The following MLC1 variants were observed in gnomAD, a reference collection of about 807,000 sequenced individuals.
The protein encoded by MLC1 is membrane protein MLC1.
A neutral mutation model predicts 44.7 loss-of-function variants in MLC1; 32 were observed. That is an observed-to-expected ratio of 0.72 (90% confidence interval 0.54 to 0.96). The LOEUF (loss-of-function observed/expected upper bound fraction) is 0.96. MLC1 is among the 40% of genes least tolerant of loss of function. MLC1 has a pLI of 0.00. For missense variants in MLC1, 459 were observed against 492.2 expected (o/e 0.93, Z 0.64); for synonymous variants, 190 against 213.0 (o/e 0.89, Z 0.94).
chr22:50,067,982 T>A (rs2061754210), intron 10 of MLC1, among the ~76,000 whole-genome samples: 1 of 150,780 alleles, frequency 6.6e-6, no homozygotes. Flanking sequence ...AAAAAAACAC[T>A]AGGTATCTAA....
At chr22:50,069,017 G>A (rs998684013) in intron 9 of MLC1, among the ~76,000 whole-genome samples, 5 of 146,864 alleles carry the variant, frequency 3.4e-5, no homozygotes, top group Admixed American at 1.4e-4. Context: ...ATGAGCCACC[G>A]CGCCCGGCCT....
chr22:50,062,122 C>A (rs1404644325), intron 11 of MLC1, among the ~76,000 whole-genome samples: 1 of 151,042 alleles, frequency 6.6e-6, no homozygotes, highest in African/African-American at 2.4e-5. Flanking sequence ...CCCAGTTGTC[C>A]ACCCTGAGCC....
intron 11 of MLC1, among the ~76,000 whole-genome samples, chr22:50,062,068 G>C (rs977655526): frequency 1.3e-5 from 2 of 151,758 alleles, no homozygotes; most frequent in African/African-American, 4.8e-5. Flanking sequence ...TGTCCACCCT[G>C]AGCCCCAGTT....
intron 3 of MLC1, among the ~76,000 whole-genome samples, chr22:50,082,274 T>C (rs981822730): frequency 6.6e-6 from 1 of 151,982 alleles, no homozygotes; most frequent in African/African-American, 2.4e-5. Context: ...GGTCCATGGC[T>C]TGCGGGCCAG....
rs1419156537 is a variant in MLC1, at chr22:50,060,857, C to G, written c.*726G>C. On this transcript the variant is annotated 3_prime_UTR_variant, in exon 12 of 12. Coordinates refer to ENST00000311597, the MANE Select transcript of MLC1 (RefSeq NM_015166.4). ...GACAGCACCCAGGACGTGGGCCGGC[C>G]AGTGTGGCGGTGGATCCCTCTAGAA... 6.5e-6 allele frequency: 1 copy of G among 152,952 alleles called. No individual in the cohort carries two copies. The highest frequency in any genetic ancestry group is 1.5e-5 in the Non-Finnish European group (1 of 68,542). The allele number at this position is 152,952 out of a possible 1,614,324, so 9.5% of individuals were successfully genotyped here.
chr22:50,084,029 G>A (rs753031309), intron 2 of MLC1, among the ~76,000 whole-genome samples: 19 of 152,164 alleles, frequency 1.2e-4, no homozygotes, highest in Non-Finnish European at 2.2e-4. Flanking sequence ...AGGGGCTGCC[G>A]GCGGAGGCCA....
At chr22:50,062,895 G>A (rs2061602146) in intron 11 of MLC1, among the ~76,000 whole-genome samples, 1 of 152,224 alleles carries the variant, frequency 6.6e-6, no homozygotes, top group African/African-American at 2.4e-5. Context: ...AGATGTGGGG[G>A]CAGCAAGACA....
intron 8 of MLC1, 41 bp from the exon 9 acceptor site, chr22:50,070,624 CGAA>C: frequency 6.5e-7 from 1 of 1,536,546 alleles, no homozygotes; most frequent in South Asian, 1.2e-5. Flanking sequence ...AGGAAATAGT[CGAA>C]GAAGTCGAAT....
Position 50,083,155 on chromosome 22 carries a change from A to T in MLC1, c.196T>A (p.Ser66Thr), listed in dbSNP as rs1275358780. The T allele has an allele frequency of 1.2e-6, 2 of 1,614,074 alleles. No homozygotes were observed. ...TTCCCCAGGTACAGCGAAAACCCCG[A>T]GGTCACCAGGAGGCAGCTCTGCAAG... ...VLMGSCLLVT[S>T]GFSLYLGNVF... Residue 66 changes from serine (S) to threonine (T), a missense_variant, in exon 3 of 12, where the codon TCG (serine) becomes ACG (threonine). Coordinates refer to ENST00000311597, the MANE Select transcript of MLC1 (RefSeq NM_015166.4). The surrounding 1 kb of genome is among the most constrained non-coding windows in gnomAD (Gnocchi z 4.6).
At chr22:50,065,764 C>T (rs1235451100) in intron 10 of MLC1, among the ~76,000 whole-genome samples, 3 of 152,170 alleles carry the variant, frequency 2.0e-5, no homozygotes, top group African/African-American at 7.2e-5. Context: ...TTGAGGAGGT[C>T]GCCGAGATTT....
intron 5 of MLC1, among the ~76,000 whole-genome samples, chr22:50,078,068 C>T (rs574476774): frequency 6.6e-5 from 10 of 151,430 alleles, no homozygotes; most frequent in South Asian, 2.1e-4. Flanking sequence ...CTCGGCTCAC[C>T]GCAACCTCTG....
intron 10 of MLC1, among the ~76,000 whole-genome samples, chr22:50,064,620 T>TG (rs1004231571): frequency 3.4e-5 from 5 of 148,682 alleles, no homozygotes; most frequent in Non-Finnish European, 7.5e-5. Context: ...GCAGCCGTCC[T>TG]GGGGGGATGG....
chr22:50,066,801 C>A (rs192314819), intron 10 of MLC1, among the ~76,000 whole-genome samples: 29 of 152,160 alleles, frequency 1.9e-4, no homozygotes, highest in Admixed American at 6.5e-4. Context: ...CTGAGCTCGT[C>A]TTTTATAGTT....
intron 6 of MLC1, among the ~76,000 whole-genome samples, 192 bp downstream of exon 6, chr22:50,077,209 G>A (rs1450846230): frequency 6.6e-6 from 1 of 152,162 alleles, no homozygotes; most frequent in Non-Finnish European, 1.5e-5. Context: ...GTAGCCAGCG[G>A]CCGCCAACCC....
chr22:50,076,493 G>A (rs1041804385), intron 7 of MLC1, among the ~76,000 whole-genome samples: 9 of 152,020 alleles, frequency 5.9e-5, no homozygotes, highest in Non-Finnish European at 8.8e-5. Flanking sequence ...AGGCAGAGGT[G>A]GCGGTGAGCT....
intron 10 of MLC1, among the ~76,000 whole-genome samples, chr22:50,064,512 C>T (rs573751432): frequency 1.8e-4 from 28 of 152,302 alleles, no homozygotes; most frequent in African/African-American, 3.6e-4. Flanking sequence ...TGCTCCAACA[C>T]GCGCAAGGCT....
chr22:50,063,993 ACTCACCT>A (rs774689457), intron 11 of MLC1, 34 bp downstream of exon 11: 1 of 1,507,206 alleles, frequency 6.6e-7, no homozygotes, highest in Non-Finnish European at 8.9e-7. Flanking sequence ...CCCGTGGGCC[ACTCACCT>A]CCCCAGTGCC....
intron 8 of MLC1, among the ~76,000 whole-genome samples, chr22:50,071,246 T>C (rs137922): frequency 0.92 from 140,241 of 152,028 alleles, 64,714 homozygotes; most frequent in South Asian, 0.94. Context: ...CACCCACCAC[T>C]ACACCAGGCT....
chr22:50,062,630 A>G (rs137920), intron 11 of MLC1, among the ~76,000 whole-genome samples: 85,186 of 152,242 alleles, frequency 0.56, 24,717 homozygotes, highest in African/African-American at 0.71. Flanking sequence ...GCTCTGCACC[A>G]AGGTTCTGAG....
Sources: gnomAD v4.1 joint callset for allele counts (sites outside exome capture counted in the v4.1 genomes callset) on GRCh38, gnomAD v4.1.1 for gene constraint, Gnocchi (gnomAD v3.1) non-coding constraint, MANE v1.5 for transcripts, NCBI Gene and HGNC (gene_info 2026-07-23, HGNC 2026-07-21) for gene names.